Variants in MYH14 observed in about 807,000 individuals in gnomAD.
The protein encoded by MYH14 is myosin-14.
MYH14 carries 123 observed loss-of-function variants against 255.5 expected under a neutral mutation model. The ratio of observed to expected loss-of-function variants is 0.48; its 90% CI spans 0.42 to 0.56. The LOEUF (loss-of-function observed/expected upper bound fraction) is 0.56. MYH14 is among the 20% of genes least tolerant of loss of function. The probability of loss-of-function intolerance (pLI) is 0.00; values close to 1 mark genes in which losing one functional copy is unlikely to be tolerated. For synonymous variants in MYH14, 1,095 were observed against 1,161.2 expected (o/e 0.94, Z 1.16); for missense variants, 2,423 against 2,802.3 (o/e 0.86, Z 3.06).
Position 50,278,281 on chromosome 19 carries a change from C to A in MYH14, c.4024C>A (p.Arg1342=), listed in dbSNP as rs748162920. The change falls in exon 30 of 43, where the codon CGA becomes AGA. Residue 1342 remains arginine (R), a synonymous_variant. Transcript: ENST00000642316. ...ARAEAAEKLQ[R]AQAELENVSG... ...AGCGGAGGCTGCTGAGAAGCTGCAG[C>A]GAGCCCAGGTAAGTGGGGTGGGCAG... 1.3e-6 allele frequency: 2 copies of A among 1,549,624 alleles called. No homozygotes were observed. The highest frequency in any genetic ancestry group is 1.2e-5 in the South Asian group (1 of 84,000).
Position 50,252,368 on chromosome 19 carries a change from G to A in MYH14, c.1831-271G>A, listed in dbSNP as rs970735986. Among the ~76,000 whole-genome samples the A allele has an allele frequency of 7.2e-5, 11 of 152,282 alleles. No individual in the cohort carries two copies. The highest frequency in any genetic ancestry group is 3.9e-4 in the Admixed American group (6 of 15,290). ...AGCTCGCATGTTTGAGGAACAGTGC[G>A]GAGGCCAGGGTGGCTGGAGCGGAAT... is the stretch of plus-strand genomic sequence containing the variant. On this transcript the variant is annotated intron_variant, in intron 15 of 42. Transcript: ENST00000642316. This position sits in a 1 kb window ranked among gnomAD's most constrained non-coding sequence, Gnocchi z 4.2.
chr19:50,247,245 C>G, intron 12 of MYH14, 123 bp downstream of exon 12: 1 of 673,682 alleles, frequency 1.5e-6, no homozygotes, highest in Middle Eastern at 2.4e-4. Context: ...CGCTCCGTTA[C>G]CGATCCTGGT....
intron 20 of MYH14, 78 bp downstream of exon 20, chr19:50,260,793 ATGCATAT>A: frequency 8.9e-7 from 1 of 1,123,778 alleles, no homozygotes; most frequent in Non-Finnish European, 1.3e-6. Flanking sequence ...GTGTGTGTGC[ATGCATAT>A]GTGTGCATGC....
At chr19:50,268,038 C>T in intron 23 of MYH14, 123 bp from the exon 24 acceptor site, 1 of 1,261,764 alleles carries the variant, frequency 7.9e-7, no homozygotes, top group Non-Finnish European at 1.1e-6. Context: ...CCGTGTCCTC[C>T]TGCCCCTCAG....
At chr19:50,258,292 G>A (rs897280790) in intron 18 of MYH14, among the ~76,000 whole-genome samples, 2 of 152,060 alleles carry the variant, frequency 1.3e-5, no homozygotes, top group South Asian at 2.1e-4. Flanking sequence ...CTCTGAAGTC[G>A]AGATGTAGCT....
chr19:50,212,002 A>G (rs1042799275), intron 2 of MYH14, among the ~76,000 whole-genome samples: 4 of 152,042 alleles, frequency 2.6e-5, no homozygotes, highest in African/African-American at 9.7e-5. Context: ...AAAACGAAAC[A>G]ATACAAAAAC....
At chr19:50,270,411 T>C (rs952209623) in intron 24 of MYH14, among the ~76,000 whole-genome samples, 6 of 150,666 alleles carry the variant, frequency 4.0e-5, no homozygotes, top group Non-Finnish European at 8.9e-5. Flanking sequence ...TCCCAGCTAC[T>C]CGAGAGGCTG....
At chr19:50,223,520 G>A (rs1320950253) in intron 5 of MYH14, among the ~76,000 whole-genome samples, 171 bp downstream of exon 5, 1 of 152,222 alleles carries the variant, frequency 6.6e-6, no homozygotes, top group Non-Finnish European at 1.5e-5. Flanking sequence ...AGAGTCAGGG[G>A]GACACAGAGG....
intron 13 of MYH14, 37 bp downstream of exon 13, chr19:50,249,176 T>G: frequency 1.3e-6 from 2 of 1,534,064 alleles, no homozygotes; most frequent in Non-Finnish European, 1.8e-6. Flanking sequence ...GCCAACTTCC[T>G]CACTCCGGTC....
At chr19:50,247,611 G>C (rs1350594617) in intron 12 of MYH14, among the ~76,000 whole-genome samples, 1 of 152,156 alleles carries the variant, frequency 6.6e-6, no homozygotes, top group Non-Finnish European at 1.5e-5. Flanking sequence ...TAGATGGTGA[G>C]AGCACCTGTG....
Position 50,275,975 on chromosome 19 carries a change from T to G in MYH14, c.3468-16T>G. 1 of 1,605,954 alleles carries G rather than the reference T, an allele frequency of 6.2e-7. No homozygotes were observed. The highest frequency in any genetic ancestry group is 8.5e-7 in the Non-Finnish European group (1 of 1,174,720). On this transcript the variant is annotated splice_polypyrimidine_tract_variant and intron_variant, in intron 27 of 42. Transcript: ENST00000642316. Reference sequence around the variant, plus strand: ...GCCTGCCCCTGTATCAACTCCACGGTTCTTGTCACCCCCAGGGCAGAAGAC... The same window carrying G: ...GCCTGCCCCTGTATCAACTCCACGGGTCTTGTCACCCCCAGGGCAGAAGAC...
chr19:50,244,416 C>A, intron 11 of MYH14, 79 bp downstream of exon 11: 2 of 1,062,428 alleles, frequency 1.9e-6, no homozygotes, highest in Non-Finnish European at 2.9e-6. Flanking sequence ...CCCTGTCCCA[C>A]GTAGAGAGCA....
intron 33 of MYH14, among the ~76,000 whole-genome samples, chr19:50,283,986 C>T (rs868488682): frequency 6.6e-6 from 1 of 151,694 alleles, no homozygotes; most frequent in Non-Finnish European, 1.5e-5. Context: ...GCAGGAGAAT[C>T]GCTTGAATCT....
At position 50,280,377 on chromosome 19, in the gene MYH14, G is replaced by C. The variant is rs1237580306; in HGVS notation, c.4284G>C (p.Gln1428His). 2.0e-6 allele frequency: 3 copies of C among 1,538,120 alleles called. No homozygotes were observed. The highest frequency in any genetic ancestry group is 2.6e-6 in the Non-Finnish European group (3 of 1,139,102). Residue 1428 changes from glutamine (Q) to histidine (H), a missense_variant, in exon 32 of 43, where the codon CAG becomes CAC. This residue lies in a region of MYH14 where 1,513 missense variants were observed against 1,674.8 expected (regional missense o/e 0.90). Coordinates refer to ENST00000642316, the MANE Select transcript of MYH14 (RefSeq NM_001145809.2). The surrounding 1 kb of genome is among the most constrained non-coding windows in gnomAD (Gnocchi z 4.8). Reference sequence around the variant, plus strand: ...CGGGCCGTGAACTGCAGACTGCCCAGGCCCAGGTGAGCAGCCCTACGTAAG... The same window carrying C: ...CGGGCCGTGAACTGCAGACTGCCCACGCCCAGGTGAGCAGCCCTACGTAAG... ...ERAGRELQTAQAQLSEWRRRQ... is the reference protein window; with the variant it reads ...ERAGRELQTAHAQLSEWRRRQ...
chr19:50,231,533 C>A (rs1022058290), intron 9 of MYH14, among the ~76,000 whole-genome samples: 3 of 151,884 alleles, frequency 2.0e-5, no homozygotes, highest in Admixed American at 6.6e-5. Flanking sequence ...CATAGTGAGA[C>A]CCCCATCTCT....
chr19:50,257,227 T>A, intron 17 of MYH14, 72 bp from the exon 18 acceptor site: 1 of 1,310,566 alleles, frequency 7.6e-7, no homozygotes, highest in Non-Finnish European at 1.0e-6. Flanking sequence ...GATAAGACCC[T>A]TGACCTTTGG....
At chr19:50,215,723 G>A (rs1350338578) in intron 2 of MYH14, among the ~76,000 whole-genome samples, 1 of 152,168 alleles carries the variant, frequency 6.6e-6, no homozygotes, top group East Asian at 1.9e-4. Flanking sequence ...GGAGGCTGAG[G>A]TGGGAGGATT....
At chr19:50,237,845 T>G (rs1349119725) in intron 10 of MYH14, among the ~76,000 whole-genome samples, 1 of 152,190 alleles carries the variant, frequency 6.6e-6, no homozygotes, top group Non-Finnish European at 1.5e-5. Context: ...GTTAGTCACC[T>G]TTTCACAGAC....
At chr19:50,300,401 AT>A (rs202212503) in intron 39 of MYH14, among the ~76,000 whole-genome samples, 8 of 152,150 alleles carry the variant, frequency 5.3e-5, no homozygotes, top group East Asian at 3.9e-4. Context: ...TTTATTACTG[AT>A]TTTTTTTATT....
Sources: gnomAD v4.1 joint callset for allele counts (sites outside exome capture counted in the v4.1 genomes callset) on GRCh38, gnomAD v4.1.1 for gene constraint, gnomAD v4.1.1 regional missense constraint, Gnocchi (gnomAD v3.1) non-coding constraint, MANE v1.5 for transcripts, NCBI Gene and HGNC (gene_info 2026-07-23, HGNC 2026-07-21) for gene names.